ATRNL1: variants seen among roughly 807,000 people sequenced by gnomAD.
ATRNL1 encodes the protein attractin like 1, also known as attractin-like protein 1.
In ATRNL1, 95 loss-of-function variants were observed where a neutral mutation model predicts 182.7. The ratio of observed to expected loss-of-function variants is 0.52; its 90% confidence interval spans 0.44 to 0.62. The LOEUF (loss-of-function observed/expected upper bound fraction) is 0.62, where lower values mean the gene tolerates loss of function less well. Ranked by LOEUF, ATRNL1 falls within the 20% of genes least tolerant of loss-of-function variation. The pLI is 0.00. For missense variants in ATRNL1, 1,471 were observed against 1,679.5 expected (o/e 0.88, Z 2.17); for synonymous variants, 576 against 568.3 (o/e 1.01, Z -0.19).
chr10:115,146,371 G>A (rs1165921424), intron 5 of ATRNL1, among the ~76,000 whole-genome samples: 3 of 151,672 alleles, frequency 2.0e-5, no homozygotes, highest in Non-Finnish European at 4.4e-5. Flanking sequence ...CATATTTATG[G>A]GGTATATGTG....
intron 27 of ATRNL1, among the ~76,000 whole-genome samples, chr10:115,753,505 T>C (rs1330950085): frequency 2.0e-5 from 3 of 152,158 alleles, no homozygotes; most frequent in African/African-American, 7.2e-5. Flanking sequence ...GGATGTGAAC[T>C]CATCCTTTTT....
intron 8 of ATRNL1, among the ~76,000 whole-genome samples, chr10:115,196,675 T>C (rs1238729089): frequency 1.3e-5 from 2 of 152,130 alleles, no homozygotes; most frequent in East Asian, 3.8e-4. Context: ...TTTTTAATAT[T>C]ACTAAATGGT....
intron 8 of ATRNL1, among the ~76,000 whole-genome samples, chr10:115,197,737 C>T (rs192039481): frequency 1.6e-3 from 241 of 152,184 alleles, no homozygotes; most frequent in African/African-American, 5.7e-3. Flanking sequence ...AAGTTGGCTC[C>T]CCCTAAACAC....
At chr10:115,609,037 A>G (rs1857012386) in intron 26 of ATRNL1, among the ~76,000 whole-genome samples, 1 of 152,050 alleles carries the variant, frequency 6.6e-6, no homozygotes, top group Non-Finnish European at 1.5e-5. Context: ...TATTTTGCTA[A>G]TAAATATCTT....
At chr10:115,837,445 T>A (rs1950700809) in intron 27 of ATRNL1, among the ~76,000 whole-genome samples, 1 of 134,102 alleles carries the variant, frequency 7.5e-6, no homozygotes, top group Non-Finnish European at 1.5e-5. Context: ...AGACAGCTAG[T>A]AAGCAAAGAG....
intron 28 of ATRNL1, among the ~76,000 whole-genome samples, chr10:115,906,081 GA>G (rs1421095454): frequency 6.6e-6 from 1 of 152,152 alleles, no homozygotes; most frequent in Non-Finnish European, 1.5e-5. Context: ...CATAAGCTTT[GA>G]TTTCCAAATT....
At chr10:115,832,889 C>T (rs1950589946) in intron 27 of ATRNL1, among the ~76,000 whole-genome samples, 1 of 152,108 alleles carries the variant, frequency 6.6e-6, no homozygotes, top group Non-Finnish European at 1.5e-5. Context: ...ATTAGAGTTT[C>T]ATTGTAGAAA....
At chr10:115,240,078 G>C (rs955251994) in intron 9 of ATRNL1, among the ~76,000 whole-genome samples, 1 of 152,062 alleles carries the variant, frequency 6.6e-6, no homozygotes, top group African/African-American at 2.4e-5. Flanking sequence ...TATTGCCATA[G>C]ACTATTGCTG....
At chr10:115,712,395 AG>A (rs1947087866) in intron 26 of ATRNL1, among the ~76,000 whole-genome samples, 1 of 152,200 alleles carries the variant, frequency 6.6e-6, no homozygotes, top group African/African-American at 2.4e-5. Flanking sequence ...TAAGGAAAGA[AG>A]GGTAGATTGT....
intron 5 of ATRNL1, among the ~76,000 whole-genome samples, chr10:115,142,710 A>G (rs1554878340): frequency 6.6e-6 from 1 of 152,188 alleles, no homozygotes; most frequent in East Asian, 1.9e-4. Context: ...GGCTACTGCT[A>G]TAATCTAGGT....
intron 21 of ATRNL1, among the ~76,000 whole-genome samples, chr10:115,435,503 T>C (rs1399074603): frequency 6.6e-6 from 1 of 152,194 alleles, no homozygotes; most frequent in African/African-American, 2.4e-5. Flanking sequence ...TAAATTTATA[T>C]TTATTATAAA....
chr10:115,470,747 A>G (rs922955993), intron 24 of ATRNL1, among the ~76,000 whole-genome samples: 2 of 150,578 alleles, frequency 1.3e-5, no homozygotes, highest in African/African-American at 4.8e-5. Context: ...CGAGGTTGAA[A>G]TACTCCACTC....
chr10:115,822,240 G>T (rs1391664633), intron 27 of ATRNL1, among the ~76,000 whole-genome samples: 1 of 151,978 alleles, frequency 6.6e-6, no homozygotes, highest in Non-Finnish European at 1.5e-5. Flanking sequence ...ATGAGAACAA[G>T]AACACAACAC....
At chr10:115,530,927 T>C (rs1473006841) in intron 25 of ATRNL1, among the ~76,000 whole-genome samples, 2 of 151,916 alleles carry the variant, frequency 1.3e-5, no homozygotes, top group African/African-American at 4.8e-5. Flanking sequence ...TGATTTCCAA[T>C]TTCATCCATG....
chr10:115,232,484 T>A (rs1849997282), intron 9 of ATRNL1, among the ~76,000 whole-genome samples: 1 of 152,190 alleles, frequency 6.6e-6, no homozygotes, highest in Non-Finnish European at 1.5e-5. Flanking sequence ...TTTGCCAACA[T>A]TTTATCTCTC....
chr10:115,487,893 A>G (rs1554975551), intron 24 of ATRNL1, among the ~76,000 whole-genome samples: 8 of 152,050 alleles, frequency 5.3e-5, no homozygotes, highest in Non-Finnish European at 2.9e-5. Context: ...TATTATTTTG[A>G]GATATGTTTC....
At chr10:115,389,246 C>T (rs1843837468) in intron 19 of ATRNL1, among the ~76,000 whole-genome samples, 2 of 151,842 alleles carry the variant, frequency 1.3e-5, no homozygotes, top group Non-Finnish European at 2.9e-5. Flanking sequence ...GTGGCTCACA[C>T]CTATAATACC....
chr10:115,414,207 A>G (rs1206145618), intron 20 of ATRNL1, among the ~76,000 whole-genome samples: 1 of 152,014 alleles, frequency 6.6e-6, no homozygotes, highest in Non-Finnish European at 1.5e-5. Flanking sequence ...TACATAAAAG[A>G]TTCTGGAATC....
At chr10:115,274,339 C>G (rs570825231) in intron 13 of ATRNL1, among the ~76,000 whole-genome samples, 5 of 152,278 alleles carry the variant, frequency 3.3e-5, no homozygotes, top group African/African-American at 1.2e-4. Context: ...AATGTGTTAC[C>G]TCCAAAATCC....
Sources: gnomAD v4.1 joint callset for allele counts (sites outside exome capture counted in the v4.1 genomes callset) on GRCh38, gnomAD v4.1.1 for gene constraint, MANE v1.5 for transcripts, NCBI Gene and HGNC (gene_info 2026-07-23, HGNC 2026-07-21) for gene names.